The following ERI3 variants were observed in gnomAD, a reference collection of about 807,000 sequenced individuals.
ERI3 encodes ERI1 exoribonuclease 3.
In ERI3, 18 loss-of-function variants were observed where a neutral mutation model predicts 44.4. The ratio of observed to expected loss-of-function variants is 0.41; its 90% CI spans 0.28 to 0.60. The LOEUF (loss-of-function observed/expected upper bound fraction) is 0.60, where lower values mean the gene tolerates loss of function less well. Ranked by LOEUF, ERI3 falls within the 20% of genes least tolerant of loss-of-function variation. ERI3 has a pLI of 0.36. For missense variants in ERI3, 294 were observed against 435.5 expected, an observed-to-expected ratio of 0.68 and a Z score of 2.89; for synonymous variants, 183 against 164.8, an observed-to-expected ratio of 1.11 and a Z score of -0.84.
At chr1:44,224,119 T>TA (rs377165715) in intron 8 of ERI3, among the ~76,000 whole-genome samples, 203 of 152,318 alleles carry the variant, frequency 1.3e-3, no homozygotes, top group African/African-American at 4.6e-3. Flanking sequence ...AGTATGAACT[T>TA]ACGCAGATTT....
chr1:44,277,963 T>C (rs1645211859), intron 7 of ERI3, among the ~76,000 whole-genome samples: 1 of 152,230 alleles, frequency 6.6e-6, no homozygotes. Context: ...GAGCCACATA[T>C]GAAACTTAGA....
At chr1:44,319,324 A>C (rs1311734576) in intron 4 of ERI3, among the ~76,000 whole-genome samples, 1 of 152,204 alleles carries the variant, frequency 6.6e-6, no homozygotes, top group Non-Finnish European at 1.5e-5. Context: ...CCTAAGGAAA[A>C]CTGAACTGGA....
At chr1:44,231,480 C>T (rs1467401588) in intron 8 of ERI3, among the ~76,000 whole-genome samples, 1 of 152,142 alleles carries the variant, frequency 6.6e-6, no homozygotes, top group African/African-American at 2.4e-5. Context: ...GTCAAGCAAT[C>T]CTCCTGCATC....
At chr1:44,309,453 C>G (rs1399232372) in intron 5 of ERI3, among the ~76,000 whole-genome samples, 1 of 151,884 alleles carries the variant, frequency 6.6e-6, no homozygotes, top group African/African-American at 2.4e-5. Context: ...TGAGATCACA[C>G]CACTGCACTC....
chr1:44,355,020 T>C lies in ERI3; in HGVS notation c.7A>G (p.Thr3Ala), dbSNP rs1646970396. Residue 3 changes from threonine to alanine, a missense_variant, in exon 1 of 9, where the codon ACA (threonine) becomes GCA (alanine). Around this residue, in one of 2 missense-constraint regions of ERI3, gnomAD observed 107 missense variants for 96.9 expected, o/e 1.10. Transcript: ENST00000372257. MA[T>A]ASPAADGGRG... The stretch of plus-strand genomic sequence containing the variant: ...CCCCCGTCAGCAGCGGGAGAGGCTG[T>C]CGCCATGGCAACGCCCCCTCCTCGG... 1 of 1,389,646 alleles carries C rather than the reference T, an allele frequency of 7.2e-7. No homozygotes were observed. Among genetic ancestry groups the C allele is most frequent in the Non-Finnish European group, 9.4e-7 (1 of 1,067,640 alleles). The allele number at this position is 1,389,646 out of a possible 1,614,324, so 86.1% of individuals were successfully genotyped here. A position where few individuals can be genotyped will look rare whatever the true frequency, so the allele number is the denominator to read the frequency against.
rs1400157860 is a variant in ERI3 at position 44,241,930 on chromosome 1, T to C, written c.931+6009A>G. The C allele has an allele frequency of 2.0e-6, 2 of 985,482 alleles. No individual in the cohort carries two copies. The highest frequency in any genetic ancestry group is 6.1e-5 in the Admixed American group (1 of 16,266). The allele number at this position is 985,482 out of a possible 1,614,324, so 61.0% of individuals were successfully genotyped here. ...ATCAACTCACCCATCCATCTAGCCATTCTTCCATCTATGGTTGCTACTGAA... is the reference window on the plus strand; with the variant it reads ...ATCAACTCACCCATCCATCTAGCCACTCTTCCATCTATGGTTGCTACTGAA... On this transcript the variant is annotated intron_variant, in intron 8 of 8. Transcript: ENST00000372257. The surrounding 1 kb of genome is among the most constrained non-coding windows in gnomAD (Gnocchi z 5.6).
chr1:44,307,394 C>T (rs1022409765), intron 6 of ERI3, among the ~76,000 whole-genome samples: 2 of 152,064 alleles, frequency 1.3e-5, no homozygotes, highest in African/African-American at 4.8e-5. Flanking sequence ...CCACTTTATG[C>T]TCAAAAGTTC....
At chr1:44,248,795 C>T (rs912165570) in intron 7 of ERI3, among the ~76,000 whole-genome samples, 1 of 151,848 alleles carries the variant, frequency 6.6e-6, no homozygotes, top group South Asian at 2.1e-4. Context: ...GGCCACCCAT[C>T]GATCTGTACT....
At chr1:44,257,504 G>A (rs1264129415) in intron 7 of ERI3, among the ~76,000 whole-genome samples, 1 of 152,192 alleles carries the variant, frequency 6.6e-6, no homozygotes, top group East Asian at 1.9e-4. Context: ...AAAGAAGCCT[G>A]GGGGCAGAAG....
intron 8 of ERI3, among the ~76,000 whole-genome samples, chr1:44,227,325 T>C (rs1572053925): frequency 6.6e-6 from 1 of 151,914 alleles, no homozygotes; most frequent in Non-Finnish European, 1.5e-5. Flanking sequence ...AGTTGGGAGG[T>C]AGGTGTGGAG....
chr1:44,355,170 C>T lies in ERI3; in HGVS notation c.-144G>A. 8.3e-7 allele frequency: 1 copy of T among 1,209,492 alleles called. No individual in the cohort carries two copies. Among genetic ancestry groups the T allele is most frequent in the Non-Finnish European group, 1.0e-6 (1 of 972,464 alleles). 74.9% of individuals were successfully genotyped at this position (1,209,492 alleles called of 1,614,324 possible). ...GACTGCGGCGCCGGCCAGGCAGAGG[C>T]AGGGCCAGCTCCGCCCGCTCCCCAC... On this transcript the variant is annotated 5_prime_UTR_variant, in exon 1 of 9. Transcript: ENST00000372257.
chr1:44,289,841 G>T lies in ERI3; in HGVS notation c.759-4934C>A, dbSNP rs182928463. Among the ~76,000 whole-genome samples the T allele has an allele frequency of 3.9e-5, 6 of 152,392 alleles. No homozygotes were observed. The East Asian group carries it at 9.6e-4, about 24-fold the overall frequency. ...TCAGCTTTGAAGATTAGGTGAGGCAGATGTGGGGGAGAGCTGCTAGGCTGA... is the reference window on the plus strand; with the variant it reads ...TCAGCTTTGAAGATTAGGTGAGGCATATGTGGGGGAGAGCTGCTAGGCTGA... On this transcript the variant is annotated intron_variant, in intron 6 of 8. Coordinates refer to ENST00000372257, the MANE Select transcript of ERI3 (RefSeq NM_024066.3).
intron 2 of ERI3, among the ~76,000 whole-genome samples, chr1:44,350,624 C>T (rs766634676): frequency 6.6e-6 from 1 of 152,036 alleles, no homozygotes; most frequent in Non-Finnish European, 1.5e-5. Context: ...AAAATAGAAG[C>T]CAGTATCTCC....
chr1:44,321,529 C>T (rs150376534), intron 3 of ERI3, among the ~76,000 whole-genome samples: 2 of 152,254 alleles, frequency 1.3e-5, no homozygotes, highest in Non-Finnish European at 2.9e-5. Context: ...AAATCGAACA[C>T]ACACCAAAAA....
intron 3 of ERI3, among the ~76,000 whole-genome samples, chr1:44,338,072 TAGC>T (rs748135778): frequency 6.6e-6 from 1 of 152,224 alleles, no homozygotes; most frequent in Non-Finnish European, 1.5e-5. Context: ...CCAAGCCTCC[TAGC>T]AGCATTAACT....
Position 44,348,165 on chromosome 1 carries a change from TC to T in ERI3, c.211+4684del, listed in dbSNP as rs765132510. Among the ~76,000 whole-genome samples the T allele has an allele frequency of 1.7e-4, 26 of 152,308 alleles. No individual in the cohort carries two copies. In the East Asian group the frequency reaches 3.9e-3, roughly 23 times the overall value. ...GCAAACAAAGCTTCTTCTCTTCCTT[TC>T]TTTATCCTTCCTCCTAGCCCACCCC... On this transcript the variant is annotated intron_variant, in intron 2 of 8. Coordinates refer to ENST00000372257, the MANE Select transcript of ERI3 (RefSeq NM_024066.3).
At chr1:44,287,924 C>A (rs1377368246) in intron 6 of ERI3, among the ~76,000 whole-genome samples, 1 of 152,186 alleles carries the variant, frequency 6.6e-6, no homozygotes, top group East Asian at 1.9e-4. Flanking sequence ...ATCTTATTCT[C>A]CCCTAGCCAA....
chr1:44,328,325 A>G (rs1179657754), intron 3 of ERI3, among the ~76,000 whole-genome samples: 2 of 149,982 alleles, frequency 1.3e-5, no homozygotes, highest in Admixed American at 1.4e-4. Context: ...TTTGCAGATG[A>G]GAAAGCTAAG....
At chr1:44,262,529 G>A (rs1186081337) in intron 7 of ERI3, among the ~76,000 whole-genome samples, 4 of 152,188 alleles carry the variant, frequency 2.6e-5, no homozygotes, top group African/African-American at 4.8e-5. Flanking sequence ...GGGCACCCAC[G>A]CCCTCACAAT....
Sources: gnomAD v4.1 joint callset for allele counts (sites outside exome capture counted in the v4.1 genomes callset) on GRCh38, gnomAD v4.1.1 for gene constraint, gnomAD v4.1.1 regional missense constraint, Gnocchi (gnomAD v3.1) non-coding constraint, MANE v1.5 for transcripts, NCBI Gene and HGNC (gene_info 2026-07-23, HGNC 2026-07-21) for gene names.